Variants in INPP5A observed in about 807,000 individuals in gnomAD.
INPP5A encodes the protein inositol polyphosphate-5-phosphatase A.
Under a neutral mutation model 65.2 loss-of-function variants are expected in INPP5A, and 14 were observed. The observed-to-expected ratio is 0.21, with a 90% CI of 0.14 to 0.34. The LOEUF is 0.34. Ranked by LOEUF, INPP5A falls within the 10% of genes least tolerant of loss-of-function variation. INPP5A has a pLI of 1.00. For missense variants in INPP5A, 431 were observed against 545.6 expected (o/e 0.79, Z 2.09); for synonymous variants, 207 against 208.3 (o/e 0.99, Z 0.05).
At position 132,753,482 on chromosome 10, in the gene INPP5A, C is replaced by T. The variant is rs950793686; in HGVS notation, c.903+3637C>T. ...GTATTTTAAGAGTAGTAATCATTGG[C>T]CGGGACATGATTGAATGTGTCCATG... On this transcript the variant is annotated intron_variant, in intron 11 of 15. Coordinates refer to ENST00000368594, the MANE Select transcript of INPP5A (RefSeq NM_005539.5). The surrounding 1 kb of genome is among the most constrained non-coding windows in gnomAD (Gnocchi z 5.3). Among the ~76,000 whole-genome samples, 2 of 152,212 alleles carry T rather than the reference C, an allele frequency of 1.3e-5. No homozygotes were observed. Among genetic ancestry groups the T allele is most frequent in the Admixed American group, 6.5e-5 (1 of 15,286 alleles).
rs946950555 is a variant in INPP5A at position 132,697,039 on chromosome 10, C to T, written c.371-777C>T. Among the ~76,000 whole-genome samples the T allele has an allele frequency of 3.3e-5, 5 of 152,220 alleles. No homozygotes were observed. Among genetic ancestry groups the T allele is most frequent in the African/African-American group, 4.8e-5 (2 of 41,458 alleles). On this transcript the variant is annotated intron_variant, in intron 5 of 15. Coordinates refer to ENST00000368594, the MANE Select transcript of INPP5A (RefSeq NM_005539.5). The surrounding 1 kb of genome is among the most constrained non-coding windows in gnomAD (Gnocchi z 5.6). ...TGGGACACAACACACTGCTCCAAAG[C>T]GGTCTCCAGGAACCTCGTTGACACC...
At chr10:132,667,211 C>G (rs1257597213) in intron 4 of INPP5A, among the ~76,000 whole-genome samples, 1 of 152,252 alleles carries the variant, frequency 6.6e-6, no homozygotes, top group Non-Finnish European at 1.5e-5. Context: ...CCTGGATTGT[C>G]TAAGCCGCAG....
At chr10:132,624,708 A>C in intron 2 of INPP5A, among the ~76,000 whole-genome samples, 1 of 151,180 alleles carries the variant, frequency 6.6e-6, no homozygotes, top group Non-Finnish European at 1.5e-5. Flanking sequence ...TCAAACCCAA[A>C]CCCCTCCTTT....
intron 4 of INPP5A, among the ~76,000 whole-genome samples, chr10:132,680,644 T>C (rs2073029998): frequency 6.6e-6 from 1 of 152,178 alleles, no homozygotes; most frequent in Non-Finnish European, 1.5e-5. Context: ...TCCCTCAGTT[T>C]GTAGGGAGGT....
intron 8 of INPP5A, among the ~76,000 whole-genome samples, chr10:132,712,351 G>A (rs962651129): frequency 1.1e-4 from 16 of 151,286 alleles, no homozygotes; most frequent in Admixed American, 3.3e-4. Context: ...GCACATCTGC[G>A]TGTGTGTGTT....
At chr10:132,768,126 C>T (rs1305726350) in intron 12 of INPP5A, among the ~76,000 whole-genome samples, 3 of 145,270 alleles carry the variant, frequency 2.1e-5, no homozygotes, top group South Asian at 2.2e-4. Context: ...AGGGTGCCCA[C>T]GTGCCCATTG....
At chr10:132,739,907 G>A (rs1384591371) in intron 9 of INPP5A, among the ~76,000 whole-genome samples, 2 of 152,224 alleles carry the variant, frequency 1.3e-5, no homozygotes, top group South Asian at 2.1e-4. Context: ...GAGCACTGAC[G>A]TTCGGGGGTG....
chr10:132,749,266 G>A (rs561149335), intron 9 of INPP5A, among the ~76,000 whole-genome samples: 15 of 151,666 alleles, frequency 9.9e-5, no homozygotes, highest in African/African-American at 3.1e-4. Context: ...CTCTGTGGGC[G>A]GCAGCAGCTC....
At position 132,551,899 on chromosome 10, in the gene INPP5A, C is replaced by T. The variant is rs2071055965; in HGVS notation, c.75+13728C>T. Among the ~76,000 whole-genome samples, 1 of 152,250 alleles carries T rather than the reference C, an allele frequency of 6.6e-6. No homozygotes were observed. The highest frequency in any genetic ancestry group is 2.4e-5 in the African/African-American group (1 of 41,458). On this transcript the variant is annotated intron_variant, in intron 1 of 15. Transcript: ENST00000368594. The surrounding 1 kb of genome is among the most constrained non-coding windows in gnomAD (Gnocchi z 5.3). ...GGAGTCCCTGGGGTTTGGAGCTCTG[C>T]CTGCCTTGCGGCCCAACCTGGCAGT...
At chr10:132,666,979 C>A (rs1057493592) in intron 4 of INPP5A, among the ~76,000 whole-genome samples, 1 of 152,292 alleles carries the variant, frequency 6.6e-6, no homozygotes, top group East Asian at 1.9e-4. Context: ...TAATTCCTCT[C>A]ACCCCCAACC....
intron 7 of INPP5A, among the ~76,000 whole-genome samples, chr10:132,709,544 G>A (rs1032887487): frequency 1.3e-5 from 2 of 152,160 alleles, no homozygotes; most frequent in Admixed American, 6.5e-5. Context: ...TTGGCATGGT[G>A]TGGGGGCACA....
Position 132,659,507 on chromosome 10 carries a change from C to T in INPP5A, c.306+9002C>T, listed in dbSNP as rs1009658828. On this transcript the variant is annotated intron_variant, in intron 4 of 15. Transcript: ENST00000368594. This position sits in a 1 kb window ranked among gnomAD's most constrained non-coding sequence, Gnocchi z 5.5. ...TAAGCTGAGGCTTTTGAAGGATGACCGTGCCCAGGTTATCCAGTGTTCCTT... is the reference window on the plus strand; with the variant it reads ...TAAGCTGAGGCTTTTGAAGGATGACTGTGCCCAGGTTATCCAGTGTTCCTT... Among the ~76,000 whole-genome samples the T allele has an allele frequency of 4.6e-5, 7 of 152,308 alleles. No homozygotes were observed. The highest frequency in any genetic ancestry group is 1.0e-4 in the Non-Finnish European group (7 of 68,016).
chr10:132,625,596 G>A (rs1164962886), intron 2 of INPP5A, among the ~76,000 whole-genome samples: 1 of 152,194 alleles, frequency 6.6e-6, no homozygotes, highest in Non-Finnish European at 1.5e-5. Flanking sequence ...GGCACTGAAG[G>A]GCAGGCCCGG....
chr10:132,666,570 A>T (rs890926017), intron 4 of INPP5A, among the ~76,000 whole-genome samples: 1 of 152,204 alleles, frequency 6.6e-6, no homozygotes, highest in Non-Finnish European at 1.5e-5. Context: ...GAGGCTGCCG[A>T]CTTTGCAGTG....
chr10:132,608,923 G>T lies in INPP5A; in HGVS notation c.117+967G>T, dbSNP rs536790528. On this transcript the variant is annotated intron_variant, in intron 2 of 15. Transcript: ENST00000368594. ...CCTGGGCCTGAGGTGCTGGGCCAGAGGTGGAGCTGGGACAGCCAGGAGGGC... is the reference window on the plus strand; with the variant it reads ...CCTGGGCCTGAGGTGCTGGGCCAGATGTGGAGCTGGGACAGCCAGGAGGGC... 2.0e-5 allele frequency among the ~76,000 whole-genome samples: 3 copies of T among 152,320 alleles called. No homozygotes were observed. The East Asian group carries it at 5.8e-4, about 29-fold the overall frequency.
At chr10:132,640,173 T>C (rs1408068881) in intron 2 of INPP5A, among the ~76,000 whole-genome samples, 4 of 152,258 alleles carry the variant, frequency 2.6e-5, no homozygotes, top group Non-Finnish European at 5.9e-5. Flanking sequence ...ACACTGGCTT[T>C]TCTTACGGTT....
intron 1 of INPP5A, among the ~76,000 whole-genome samples, chr10:132,585,170 G>C (rs2071531919): frequency 6.6e-6 from 1 of 152,194 alleles, no homozygotes; most frequent in African/African-American, 2.4e-5. Context: ...AATGAAATTA[G>C]AAGTCATGTA....
At chr10:132,764,462 CAG>C (rs1255415256) in intron 11 of INPP5A, among the ~76,000 whole-genome samples, 3 of 143,728 alleles carry the variant, frequency 2.1e-5, no homozygotes, top group African/African-American at 8.1e-5. Context: ...TGGTGACACT[CAG>C]AAACACGGTC....
intron 8 of INPP5A, among the ~76,000 whole-genome samples, chr10:132,713,118 G>A (rs904104057): frequency 1.5e-4 from 23 of 151,848 alleles, no homozygotes; most frequent in Admixed American, 1.1e-3. Flanking sequence ...GGGTATGTGT[G>A]CATGCAGGTT....
Sources: allele counts gnomAD v4.1 joint callset (sites outside exome capture counted in the v4.1 genomes callset), GRCh38; gene constraint gnomAD v4.1.1; non-coding constraint Gnocchi (gnomAD v3.1); transcripts MANE v1.5; gene names NCBI Gene and HGNC (gene_info 2026-07-23, HGNC 2026-07-21).